Variants in PTPRD observed in about 807,000 individuals in gnomAD.
PTPRD encodes protein tyrosine phosphatase receptor type D.
Under a neutral mutation model 214.5 loss-of-function variants are expected in PTPRD, and 34 were observed. The ratio of observed to expected loss-of-function variants is 0.16; its 90% CI spans 0.12 to 0.21. The LOEUF is 0.21. Among genes scored for constraint, PTPRD ranks in the 10% least tolerant of loss-of-function variants. The probability of loss-of-function intolerance (pLI) is 1.00; values close to 1 mark genes in which losing one functional copy is unlikely to be tolerated. For synonymous variants in PTPRD, 1,128 were observed against 845.7 expected (o/e 1.33, Z -5.79); for missense variants, 2,545 against 2,398.7 (o/e 1.06, Z -1.27).
chr9:9,705,735 A>G (rs572934382), intron 7 of PTPRD, among the ~76,000 whole-genome samples: 6 of 152,328 alleles, frequency 3.9e-5, no homozygotes, highest in African/African-American at 1.4e-4. Context: ...CTAATGTACA[A>G]AAAAATCAAA....
intron 42 of PTPRD, among the ~76,000 whole-genome samples, chr9:8,339,854 T>G (rs534437987): frequency 6.6e-6 from 1 of 152,018 alleles, no homozygotes; most frequent in South Asian, 2.1e-4. Flanking sequence ...ACAAACCACT[T>G]TTTTCAAAAG....
chr9:9,150,621 G>A (rs1027576555), intron 10 of PTPRD, among the ~76,000 whole-genome samples: 3 of 151,712 alleles, frequency 2.0e-5, no homozygotes, highest in African/African-American at 7.3e-5. Context: ...TGGGATTACA[G>A]GTGCCTGCCC....
At chr9:9,117,878 T>C (rs748830438) in intron 10 of PTPRD, among the ~76,000 whole-genome samples, 12 of 151,454 alleles carry the variant, frequency 7.9e-5, no homozygotes, top group Admixed American at 1.3e-4. Context: ...GCAAAGAAAA[T>C]TTAAAAAAAA....
chr9:9,699,610 G>T (rs928828355), intron 7 of PTPRD, among the ~76,000 whole-genome samples: 1 of 152,112 alleles, frequency 6.6e-6, no homozygotes. Flanking sequence ...TTCGGAAAAT[G>T]CTCACTTAGA....
intron 4 of PTPRD, among the ~76,000 whole-genome samples, chr9:10,004,656 T>C (rs896522719): frequency 2.6e-5 from 4 of 151,910 alleles, no homozygotes; most frequent in Non-Finnish European, 4.4e-5. Context: ...ACACACACAG[T>C]GTAAACATAA....
At chr9:8,329,150 T>TC (rs1837054777) in intron 44 of PTPRD, among the ~76,000 whole-genome samples, 1 of 152,114 alleles carries the variant, frequency 6.6e-6, no homozygotes, top group African/African-American at 2.4e-5. Flanking sequence ...TGCTGGTTTC[T>TC]CCCCATCTTC....
At chr9:8,862,129 G>A (rs573486848) in intron 11 of PTPRD, 27 of 152,392 alleles carry the variant, frequency 1.8e-4, no homozygotes, top group African/African-American at 6.0e-4. Context: ...GGCCAAGGCA[G>A]GCAGATCACT....
intron 8 of PTPRD, among the ~76,000 whole-genome samples, chr9:9,419,166 A>ACAG (rs1209794993): frequency 3.2e-5 from 3 of 94,176 alleles, no homozygotes; most frequent in Non-Finnish European, 6.8e-5. Flanking sequence ...CACACACACA[A>ACAG]GCATGATATA....
chr9:8,812,849 C>T (rs1395023231), intron 11 of PTPRD, among the ~76,000 whole-genome samples: 1 of 151,752 alleles, frequency 6.6e-6, no homozygotes, highest in East Asian at 1.9e-4. Flanking sequence ...TTAAGGAAAA[C>T]AGTCTTGAGT....
Position 9,729,519 on chromosome 9 carries a change from T to G in PTPRD, c.-287+5014A>C, listed in dbSNP as rs113404233. On this transcript the variant is annotated intron_variant, in intron 7 of 45. Transcript: ENST00000381196. ...ATAAAGAAAGAAACCCAGATATTAATGCACACCAATAGTATCACTCTCACC... is the reference window on the plus strand; with the variant it reads ...ATAAAGAAAGAAACCCAGATATTAAGGCACACCAATAGTATCACTCTCACC... 5.6e-4 allele frequency among the ~76,000 whole-genome samples: 86 copies of G among 152,230 alleles called. 1 individual carries two copies. The highest frequency in any genetic ancestry group is 2.0e-3 in the African/African-American group (83 of 41,564).
At chr9:10,536,007 G>T (rs954579268) in intron 2 of PTPRD, among the ~76,000 whole-genome samples, 22 of 151,992 alleles carry the variant, frequency 1.4e-4, no homozygotes, top group African/African-American at 5.1e-4. Flanking sequence ...CCGTGAAGAG[G>T]GTATAAAAGA....
intron 8 of PTPRD, among the ~76,000 whole-genome samples, chr9:9,570,980 C>T (rs548276732): frequency 1.1e-3 from 167 of 151,532 alleles, no homozygotes; most frequent in African/African-American, 3.7e-3. Context: ...AAATAAGATA[C>T]TATCTACTTT....
At chr9:9,126,438 G>T (rs1489596019) in intron 10 of PTPRD, among the ~76,000 whole-genome samples, 1 of 152,142 alleles carries the variant, frequency 6.6e-6, no homozygotes, top group African/African-American at 2.4e-5. Context: ...GACTTTAAGT[G>T]AAACGACATA....
Position 8,528,666 on chromosome 9 carries a change from C to A in PTPRD, c.466G>T (p.Glu156Ter). 6.2e-7 allele frequency: 1 copy of A among 1,613,744 alleles called. No individual in the cohort carries two copies. The highest frequency in any genetic ancestry group is 8.5e-7 in the Non-Finnish European group (1 of 1,179,770). Reference sequence around the variant, plus strand: ...AAGAAATCTTTAAACCAAGTGATTTCTGGATCCGGATTACCACTGGCTGCA... The same window carrying A: ...AAGAAATCTTTAAACCAAGTGATTTATGGATCCGGATTACCACTGGCTGCA... ...LCAASGNPDP[E>*]ITWFKDFLPV... Residue 156 changes from glutamate to a stop codon, truncating the protein, a stop_gained, in exon 15 of 46, where the codon GAA (glutamate) becomes TAA (stop). Transcript: ENST00000381196. LOFTEE classifies it high-confidence loss of function.
chr9:9,165,761 G>A (rs528423438), intron 10 of PTPRD, among the ~76,000 whole-genome samples: 2 of 152,278 alleles, frequency 1.3e-5, no homozygotes, highest in South Asian at 2.1e-4. Context: ...AATAGTCAAT[G>A]TGTGATATTA....
At chr9:10,583,819 C>T in intron 2 of PTPRD, among the ~76,000 whole-genome samples, 1 of 152,222 alleles carries the variant, frequency 6.6e-6, no homozygotes, top group East Asian at 1.9e-4. Flanking sequence ...TAGCTATGCT[C>T]TTTGAAAGGA....
At chr9:8,647,702 A>C (rs954354257) in intron 12 of PTPRD, among the ~76,000 whole-genome samples, 68 of 152,234 alleles carry the variant, frequency 4.5e-4, no homozygotes, top group Non-Finnish European at 8.2e-4. Context: ...TATATTTAAC[A>C]AATTATACTT....
chr9:8,790,280 C>G (rs1462780376), intron 11 of PTPRD, among the ~76,000 whole-genome samples: 1 of 151,992 alleles, frequency 6.6e-6, no homozygotes, highest in Non-Finnish European at 1.5e-5. Flanking sequence ...CCTTCCAAAG[C>G]ATTAAGATTA....
At chr9:9,990,630 T>C (rs1388612783) in intron 4 of PTPRD, among the ~76,000 whole-genome samples, 5 of 152,194 alleles carry the variant, frequency 3.3e-5, no homozygotes, top group Admixed American at 6.5e-5. Flanking sequence ...TCTTAGAAAA[T>C]AGAAAGTAGT....
Sources: allele counts gnomAD v4.1 joint callset (sites outside exome capture counted in the v4.1 genomes callset), GRCh38; gene constraint gnomAD v4.1.1; transcripts MANE v1.5; gene names NCBI Gene and HGNC (gene_info 2026-07-23, HGNC 2026-07-21).